The following TFDP1 variants were observed in gnomAD, a reference collection of about 807,000 sequenced individuals.
TFDP1 encodes transcription factor Dp-1, also known as DRTF1-polypeptide 1.
TFDP1 carries 6 observed loss-of-function variants against 48.0 expected under a neutral mutation model. The observed-to-expected ratio is 0.13, with a 90% CI of 0.07 to 0.25. TFDP1 has a LOEUF of 0.25. TFDP1 is among the 10% of genes least tolerant of loss of function. The pLI is 1.00. For synonymous variants in TFDP1, 201 were observed against 211.6 expected (o/e 0.95, Z 0.44); for missense variants, 335 against 543.0 (o/e 0.62, Z 3.81).
chr13:113,605,208 TG>T (rs1279171385), intron 2 of TFDP1, among the ~76,000 whole-genome samples: 2 of 151,930 alleles, frequency 1.3e-5, no homozygotes, highest in East Asian at 3.9e-4. Context: ...AAGGGGTGGG[TG>T]TCAGAGAGTG....
intron 7 of TFDP1, 85 bp from the exon 8 acceptor site, chr13:113,634,449 T>C (rs1030561088): frequency 1.8e-5 from 19 of 1,075,282 alleles, no homozygotes; most frequent in Non-Finnish European, 2.5e-5. Flanking sequence ...TAGGTAACAC[T>C]GTGAGGATGT....
rs569488472 is a variant in TFDP1 at position 113,598,203 on chromosome 13, C to T, written c.12+12354C>T. On this transcript the variant is annotated intron_variant, in intron 2 of 11. Transcript: ENST00000375370. This position sits in a 1 kb window ranked among gnomAD's most constrained non-coding sequence, Gnocchi z 4.2. ...AACCGTGCCTGCCAGGTTCATACCA[C>T]ACAACCCGGTGCAGCCCACCCCAAA... 7.2e-5 allele frequency among the ~76,000 whole-genome samples: 11 copies of T among 152,286 alleles called. No individual in the cohort carries two copies. The South Asian group carries it at 2.1e-3, about 29-fold the overall frequency.
chr13:113,591,041 A>G (rs1273565313), intron 2 of TFDP1, among the ~76,000 whole-genome samples: 6 of 149,238 alleles, frequency 4.0e-5, no homozygotes, highest in East Asian at 2.0e-4. Flanking sequence ...GAAAAAGAAA[A>G]TTATAGGTTA....
At chr13:113,617,626 GCTCACCT>G (rs2048894611) in intron 3 of TFDP1, among the ~76,000 whole-genome samples, 1 of 118,800 alleles carries the variant, frequency 8.4e-6, no homozygotes, top group Non-Finnish European at 1.9e-5. Context: ...CTGCAGAGCC[GCTCACCT>G]GCAGAGCCGC....
intron 1 of TFDP1, 183 bp from the exon 2 acceptor site, chr13:113,585,591 G>A (rs1437447904): frequency 4.8e-6 from 2 of 412,550 alleles, no homozygotes; most frequent in Non-Finnish European, 4.4e-6. Context: ...GGGCATTTCC[G>A]TCTGGCGAGG....
intron 2 of TFDP1, among the ~76,000 whole-genome samples, chr13:113,588,031 G>C (rs2048048135): frequency 6.6e-6 from 1 of 152,114 alleles, no homozygotes; most frequent in Non-Finnish European, 1.5e-5. Flanking sequence ...TTTTTTGTTA[G>C]TAGACACGGG....
At chr13:113,609,054 A>G (rs2048641018) in intron 2 of TFDP1, among the ~76,000 whole-genome samples, 1 of 152,186 alleles carries the variant, frequency 6.6e-6, no homozygotes, top group Non-Finnish European at 1.5e-5. Flanking sequence ...CGTTGACCGC[A>G]CGTCATGCTT....
intron 2 of TFDP1, among the ~76,000 whole-genome samples, chr13:113,597,193 C>T (rs376507711): frequency 3.3e-5 from 5 of 152,168 alleles, no homozygotes; most frequent in African/African-American, 9.7e-5. Context: ...AATGGAAATT[C>T]TTTCTAAAAG....
In TFDP1 at chr13:113,595,113, C is replaced by T. The variant is rs114806439; in HGVS notation, c.12+9264C>T. Among the ~76,000 whole-genome samples the T allele has an allele frequency of 4.2e-3, 642 of 152,178 alleles. 4 individuals carry two copies. The highest frequency in any genetic ancestry group is 0.015 in the African/African-American group (610 of 41,494). ...TTTCAGCAGCTGTATGTTTTTGGTA[C>T]GTTGGGGAGTCGTAGATGGTCAGTT... On this transcript the variant is annotated intron_variant, in intron 2 of 11. Coordinates refer to ENST00000375370, the MANE Select transcript of TFDP1 (RefSeq NM_007111.5).
Position 113,626,604 on chromosome 13 carries a change from C to T in TFDP1, c.186+3318C>T, listed in dbSNP as rs1323801012. ...AGATCCCAGGCAGCTTTTGTGGCCC[C>T]GTTTCCTGCCTGTGGAAGGTGACAA... is the stretch of plus-strand genomic sequence containing the variant. On this transcript the variant is annotated intron_variant, in intron 4 of 11. Transcript: ENST00000375370. 3.9e-5 allele frequency among the ~76,000 whole-genome samples: 6 copies of T among 152,098 alleles called. No individual in the cohort carries two copies. The East Asian group carries it at 5.8e-4, about 15-fold the overall frequency.
intron 2 of TFDP1, among the ~76,000 whole-genome samples, chr13:113,591,455 T>A (rs1185809670): frequency 1.3e-5 from 2 of 152,208 alleles, no homozygotes; most frequent in Non-Finnish European, 2.9e-5. Flanking sequence ...TTTTCTTACA[T>A]AATCAGCTCT....
In TFDP1 at chr13:113,640,493, C is replaced by G. The variant is rs4150828; in HGVS notation, c.*226C>G. 0.055 allele frequency: 32,338 copies of G among 588,814 alleles called. 1,134 individuals are homozygous for G. Among genetic ancestry groups the G allele is most frequent in the Admixed American group, 0.068 (1,432 of 21,132 alleles). 36.5% of individuals were successfully genotyped at this position (588,814 alleles called of 1,614,324 possible). A position where few individuals can be genotyped will look rare whatever the true frequency, so the allele number is the denominator to read the frequency against. ...TGTGCTGATGCAGAGCGTTTATTTA[C>G]TTGTTAGGATTTTGTGTTTTCATTT... On this transcript the variant is annotated 3_prime_UTR_variant, in exon 12 of 12. Transcript: ENST00000375370.
Position 113,627,014 on chromosome 13 carries a change from CGGGT to C in TFDP1, c.186+3731_186+3734del, listed in dbSNP as rs2049197718. On this transcript the variant is annotated intron_variant, in intron 4 of 11. Coordinates refer to ENST00000375370, the MANE Select transcript of TFDP1 (RefSeq NM_007111.5). This position sits in a 1 kb window ranked among gnomAD's most constrained non-coding sequence, Gnocchi z 4.1. ...AGTTCCTGATTTAAATTCAGCTGTTCGGGTGGAGTTTGTCATTGCTGTTTTGTGC... is the reference window on the plus strand; with the variant it reads ...AGTTCCTGATTTAAATTCAGCTGTTCGGAGTTTGTCATTGCTGTTTTGTGC... Among the ~76,000 whole-genome samples, 1 of 152,192 alleles carries C rather than the reference CGGGT, an allele frequency of 6.6e-6. No homozygotes were observed. The highest frequency in any genetic ancestry group is 2.1e-4 in the South Asian group (1 of 4,832).
At chr13:113,617,579 C>CTCACCTGCAGAGCCCT (rs1423941614) in intron 3 of TFDP1, among the ~76,000 whole-genome samples, 2 of 147,638 alleles carry the variant, frequency 1.4e-5, no homozygotes, top group African/African-American at 2.6e-5. Context: ...TGCAGAGCCG[C>CTCACCTGCAGAGCCCT]TCACCTGCAG....
chr13:113,604,884 C>T (rs547262677), intron 2 of TFDP1, among the ~76,000 whole-genome samples: 3 of 152,276 alleles, frequency 2.0e-5, no homozygotes, highest in African/African-American at 7.2e-5. Context: ...CTGCTGTGTG[C>T]AGGCCCCGTC....
intron 2 of TFDP1, among the ~76,000 whole-genome samples, chr13:113,602,371 C>T (rs1342848528): frequency 1.3e-5 from 2 of 151,980 alleles, no homozygotes; most frequent in Non-Finnish European, 2.9e-5. Flanking sequence ...TGGAGTTCTC[C>T]GCACGAGTCA....
intron 4 of TFDP1, among the ~76,000 whole-genome samples, chr13:113,630,717 G>T (rs1260182892): frequency 2.6e-5 from 4 of 152,368 alleles, no homozygotes; most frequent in Admixed American, 2.6e-4. Flanking sequence ...AGTCAGAGTT[G>T]TATTTGCCTG....
At chr13:113,594,663 G>A (rs1452637799) in intron 2 of TFDP1, among the ~76,000 whole-genome samples, 1 of 152,254 alleles carries the variant, frequency 6.6e-6, no homozygotes, top group Non-Finnish European at 1.5e-5. Flanking sequence ...TGTGGGTGCC[G>A]CCCGTTCCCA....
At chr13:113,610,031 T>C (rs1169236399) in intron 2 of TFDP1, among the ~76,000 whole-genome samples, 2 of 152,262 alleles carry the variant, frequency 1.3e-5, no homozygotes, top group Non-Finnish European at 2.9e-5. Context: ...TCCATGGCTT[T>C]CTGGAGAAGC....
Sources: allele counts gnomAD v4.1 joint callset (sites outside exome capture counted in the v4.1 genomes callset), GRCh38; gene constraint gnomAD v4.1.1; non-coding constraint Gnocchi (gnomAD v3.1); transcripts MANE v1.5; gene names NCBI Gene and HGNC (gene_info 2026-07-23, HGNC 2026-07-21).